The following TBC1D5 variants were observed in gnomAD, a reference collection of about 807,000 sequenced individuals.
TBC1D5 encodes TBC1 domain family, member 5.
A neutral mutation model predicts 100.3 loss-of-function variants in TBC1D5; 75 were observed. The observed-to-expected ratio is 0.75, with a 90% CI of 0.62 to 0.91. TBC1D5 has a LOEUF of 0.91. Among genes scored for constraint, TBC1D5 ranks in the 40% least tolerant of loss-of-function variants. The pLI, the probability that TBC1D5 is intolerant of heterozygous loss-of-function variation, is 0.00. For missense variants in TBC1D5, 910 were observed against 942.4 expected, an observed-to-expected ratio of 0.97 and a Z score of 0.45; for synonymous variants, 323 against 325.6, an observed-to-expected ratio of 0.99 and a Z score of 0.09.
intron 3 of TBC1D5, among the ~76,000 whole-genome samples, chr3:17,482,173 G>A (rs2150342872): frequency 6.6e-6 from 1 of 152,322 alleles, no homozygotes; most frequent in Non-Finnish European, 1.5e-5. Context: ...CAAGAGTCAT[G>A]TATTTTGATA....
chr3:17,258,648 AAG>A (rs758570534), intron 15 of TBC1D5, 57 bp from the exon 16 acceptor site: 2 of 1,352,708 alleles, frequency 1.5e-6, no homozygotes, highest in Non-Finnish European at 2.1e-6. Flanking sequence ...ATTAACATAT[AAG>A]AGGACAGCAA....
At chr3:17,653,247 G>A (rs2065752018) in intron 1 of TBC1D5, among the ~76,000 whole-genome samples, 1 of 152,018 alleles carries the variant, frequency 6.6e-6, no homozygotes, top group South Asian at 2.1e-4. Flanking sequence ...GTGGTAGATT[G>A]CACAATTTTA....
At chr3:17,417,364 C>T (rs190662209) in intron 4 of TBC1D5, among the ~76,000 whole-genome samples, 16 of 142,064 alleles carry the variant, frequency 1.1e-4, no homozygotes, top group African/African-American at 3.5e-4. Flanking sequence ...ACAACAGTAA[C>T]CAGAGTGTGA....
intron 1 of TBC1D5, among the ~76,000 whole-genome samples, chr3:17,719,794 A>G (rs1001354681): frequency 1.3e-5 from 2 of 152,234 alleles, no homozygotes; most frequent in Admixed American, 6.5e-5. Context: ...TCTGTGTTAT[A>G]TAAACAACCA....
intron 3 of TBC1D5, among the ~76,000 whole-genome samples, chr3:17,463,487 T>C (rs191398414): frequency 3.3e-5 from 5 of 152,320 alleles, no homozygotes; most frequent in Admixed American, 2.0e-4. Flanking sequence ...AAATTAGGAC[T>C]AGATTAGGGT....
At chr3:17,390,221 C>A (rs145473566) in intron 8 of TBC1D5, among the ~76,000 whole-genome samples, 110 of 152,142 alleles carry the variant, frequency 7.2e-4, no homozygotes, top group Non-Finnish European at 1.4e-3. Context: ...CAACTAAACA[C>A]CAACTTTGGA....
chr3:17,367,301 T>C (rs1316597870), intron 13 of TBC1D5, among the ~76,000 whole-genome samples: 1 of 152,180 alleles, frequency 6.6e-6, no homozygotes, highest in Non-Finnish European at 1.5e-5. Flanking sequence ...CAACATGATG[T>C]GTGATCAGTG....
intron 3 of TBC1D5, among the ~76,000 whole-genome samples, chr3:17,447,016 C>T (rs958658366): frequency 6.6e-6 from 1 of 150,758 alleles, no homozygotes; most frequent in African/African-American, 2.4e-5. Flanking sequence ...ACAAGGAATA[C>T]CAAGAGAAAA....
intron 13 of TBC1D5, among the ~76,000 whole-genome samples, chr3:17,371,066 A>AAT (rs2092425504): frequency 7.0e-6 from 1 of 143,534 alleles, no homozygotes; most frequent in South Asian, 2.2e-4. Context: ...CCACTGAAAA[A>AAT]ATACACACAC....
intron 1 of TBC1D5, among the ~76,000 whole-genome samples, chr3:17,633,463 C>T (rs2063658387): frequency 6.6e-6 from 1 of 151,954 alleles, no homozygotes; most frequent in African/African-American, 2.4e-5. Context: ...AACTATTCAC[C>T]CTAATTTAGG....
At chr3:17,540,465 T>C (rs2096339442) in intron 2 of TBC1D5, among the ~76,000 whole-genome samples, 1 of 152,220 alleles carries the variant, frequency 6.6e-6, no homozygotes, top group Non-Finnish European at 1.5e-5. Context: ...CTTACATTTA[T>C]GTCTTTGGTC....
chr3:17,663,922 T>C (rs902442838), intron 1 of TBC1D5, among the ~76,000 whole-genome samples: 4 of 152,124 alleles, frequency 2.6e-5, no homozygotes, highest in African/African-American at 9.7e-5. Flanking sequence ...GAAAAAGTAA[T>C]AGATGCAAAA....
At chr3:17,673,309 TTC>T (rs1177066903) in intron 1 of TBC1D5, among the ~76,000 whole-genome samples, 1 of 105,210 alleles carries the variant, frequency 9.5e-6, no homozygotes, top group Non-Finnish European at 2.1e-5. Flanking sequence ...TTCTTTTCTT[TTC>T]TTTTTTTTTT....
chr3:17,552,026 C>T (rs2153451486), intron 2 of TBC1D5, among the ~76,000 whole-genome samples: 1 of 152,152 alleles, frequency 6.6e-6, no homozygotes, highest in African/African-American at 2.4e-5. Context: ...TGAGCAATGG[C>T]ATGGGAAACC....
At chr3:17,403,151 T>A in intron 8 of TBC1D5, 30 bp downstream of exon 8, 1 of 1,528,054 alleles carries the variant, frequency 6.5e-7, no homozygotes, top group Non-Finnish European at 8.9e-7. Context: ...TTTGAATTAT[T>A]GAAAGTAACA....
intron 1 of TBC1D5, among the ~76,000 whole-genome samples, chr3:17,731,397 T>G (rs1279020580): frequency 6.6e-6 from 1 of 150,376 alleles, no homozygotes; most frequent in Non-Finnish European, 1.5e-5. Flanking sequence ...GCTACTCTAC[T>G]CAGGAGGCTG....
intron 2 of TBC1D5, among the ~76,000 whole-genome samples, chr3:17,530,546 C>A (rs1375472569): frequency 6.6e-6 from 1 of 152,190 alleles, no homozygotes; most frequent in Admixed American, 6.5e-5. Context: ...GGCATTCCTG[C>A]ATATTACTGA....
At chr3:17,536,733 A>C (rs2153407125) in intron 2 of TBC1D5, among the ~76,000 whole-genome samples, 1 of 152,278 alleles carries the variant, frequency 6.6e-6, no homozygotes, top group Middle Eastern at 3.4e-3. Context: ...GAAGGTATAC[A>C]CTGATTTACC....
In TBC1D5 at chr3:17,400,701, G is replaced by A. The variant is rs73156379; in HGVS notation, c.509+2480C>T. Among the ~76,000 whole-genome samples, 1,508 of 152,192 alleles carry A rather than the reference G, an allele frequency of 9.9e-3. 35 individuals are homozygous for A. The highest frequency in any genetic ancestry group is 0.034 in the African/African-American group (1,410 of 41,536). Reference sequence around the variant, plus strand: ...AGGCAGCCCCATCCTCACTCTGGATGGGCACCATCTAATCAGCTGCCAGTG... The same window carrying A: ...AGGCAGCCCCATCCTCACTCTGGATAGGCACCATCTAATCAGCTGCCAGTG... On this transcript the variant is annotated intron_variant, in intron 8 of 21. Transcript: ENST00000253692.
Sources: allele counts gnomAD v4.1 joint callset (sites outside exome capture counted in the v4.1 genomes callset), GRCh38; gene constraint gnomAD v4.1.1; transcripts MANE v1.5; gene names NCBI Gene and HGNC (gene_info 2026-07-23, HGNC 2026-07-21).